The following CTBP2 variants were observed in gnomAD, a reference collection of about 807,000 sequenced individuals.
The protein encoded by CTBP2 is C-terminal-binding protein 2.
CTBP2 carries 30 observed loss-of-function variants against 80.3 expected under a neutral mutation model. The ratio of observed to expected loss-of-function variants is 0.37; its 90% CI spans 0.28 to 0.51. CTBP2 has a LOEUF of 0.51. Ranked by LOEUF, CTBP2 falls within the 20% of genes least tolerant of loss-of-function variation. CTBP2 has a pLI of 0.93. For missense variants in CTBP2, 1,212 were observed against 1,375.3 expected (o/e 0.88, Z 1.88); for synonymous variants, 594 against 587.4 (o/e 1.01, Z -0.16).
At chr10:125,133,151 C>T (rs1856444286) in intron 1 of CTBP2, among the ~76,000 whole-genome samples, 1 of 152,220 alleles carries the variant, frequency 6.6e-6, no homozygotes, top group Non-Finnish European at 1.5e-5. Context: ...CAGGCACATT[C>T]TAAGAGCATG....
At chr10:125,035,520 C>T (rs961749663) in intron 3 of CTBP2, among the ~76,000 whole-genome samples, 8 of 152,148 alleles carry the variant, frequency 5.3e-5, no homozygotes, top group Admixed American at 1.3e-4. Context: ...AAGTTGCAAT[C>T]GCAACAGCCG....
chr10:125,011,339 C>T (rs1013459684), intron 1 of CTBP2, among the ~76,000 whole-genome samples: 8 of 152,224 alleles, frequency 5.3e-5, no homozygotes, highest in African/African-American at 1.9e-4. Flanking sequence ...CGATGTGACA[C>T]ATGAGAGGCT....
At chr10:124,996,190 GC>G (rs11321696) in intron 4 of CTBP2, 127,943 of 149,628 alleles carry the variant, frequency 0.86, 54,863 homozygotes, top group East Asian at 0.95. Context: ...CCGTCACAGC[GC>G]CCCCCCCGGC....
chr10:125,057,426 C>T (rs1315904919), intron 2 of CTBP2, among the ~76,000 whole-genome samples: 1 of 152,200 alleles, frequency 6.6e-6, no homozygotes, highest in African/African-American at 2.4e-5. Flanking sequence ...AAACAACAGG[C>T]CAAACCCCGA....
chr10:125,036,090 T>C (rs1958837573), intron 3 of CTBP2, among the ~76,000 whole-genome samples: 1 of 152,226 alleles, frequency 6.6e-6, no homozygotes, highest in South Asian at 2.1e-4. Context: ...ACTGTCTGTG[T>C]CCTGCTCTCC....
At chr10:125,145,125 A>G (rs1858512192) in intron 1 of CTBP2, among the ~76,000 whole-genome samples, 1 of 152,070 alleles carries the variant, frequency 6.6e-6, no homozygotes. Flanking sequence ...TCTTTCAACC[A>G]TTTTTCATGC....
At chr10:125,018,439 G>A (rs1407602821) in intron 1 of CTBP2, among the ~76,000 whole-genome samples, 9 of 152,154 alleles carry the variant, frequency 5.9e-5, no homozygotes, top group East Asian at 1.9e-4. Context: ...GCAGTGAGCC[G>A]AGATTGTTCC....
chr10:125,060,874 C>T (rs746139698), intron 2 of CTBP2, among the ~76,000 whole-genome samples: 6 of 152,190 alleles, frequency 3.9e-5, no homozygotes, highest in Admixed American at 6.5e-5. Flanking sequence ...TCTTGACCCG[C>T]GGGGGCTGGT....
At chr10:125,111,954 A>G (rs1320881956) in intron 1 of CTBP2, among the ~76,000 whole-genome samples, 1 of 152,060 alleles carries the variant, frequency 6.6e-6, no homozygotes, top group Non-Finnish European at 1.5e-5. Context: ...GTATGAAGGT[A>G]GTCTTGCTCG....
chr10:125,127,099 G>A (rs746564471), intron 1 of CTBP2, among the ~76,000 whole-genome samples: 1 of 152,172 alleles, frequency 6.6e-6, no homozygotes, highest in East Asian at 1.9e-4. Flanking sequence ...AGGCACGGAC[G>A]AAGGAGGGAT....
chr10:125,108,232 T>A (rs1385891782), intron 2 of CTBP2, among the ~76,000 whole-genome samples: 1 of 152,220 alleles, frequency 6.6e-6, no homozygotes, highest in African/African-American at 2.4e-5. Flanking sequence ...GGCTGAAGTG[T>A]TTGACGTCAA....
chr10:125,069,790 T>C (rs753094974), intron 2 of CTBP2, among the ~76,000 whole-genome samples: 1 of 151,818 alleles, frequency 6.6e-6, no homozygotes, highest in Non-Finnish European at 1.5e-5. Flanking sequence ...TCTCACAGAG[T>C]ATTTTGTTGT....
In CTBP2 at chr10:125,004,770, G is replaced by A. The variant is rs537877631; in HGVS notation, c.1679-1278C>T. Among the ~76,000 whole-genome samples, 16 of 152,266 alleles carry A rather than the reference G, an allele frequency of 1.1e-4. No homozygotes were observed. In the South Asian group the frequency reaches 3.1e-3, roughly 30 times the overall value. ...CATTGCTCCAGGCTGAGCCCAGCCTGGTGACCCACCATGGGTAACCCAACC... is the reference window on the plus strand; with the variant it reads ...CATTGCTCCAGGCTGAGCCCAGCCTAGTGACCCACCATGGGTAACCCAACC... On this transcript the variant is annotated intron_variant, in intron 1 of 8. Transcript: ENST00000309035.
chr10:125,062,849 ACT>A (rs1422112012), intron 2 of CTBP2, among the ~76,000 whole-genome samples: 9 of 152,156 alleles, frequency 5.9e-5, no homozygotes, highest in Non-Finnish European at 1.2e-4. Flanking sequence ...ACAAAGCGAG[ACT>A]CTATCTCAAA....
chr10:124,994,015 G>A, intron 5 of CTBP2, 30 bp from the exon 8 acceptor site: 1 of 1,613,016 alleles, frequency 6.2e-7, no homozygotes, highest in Non-Finnish European at 8.5e-7. Context: ...CCGGTTACAG[G>A]CACACTGGCA....
At chr10:125,006,039 G>A in intron 1 of CTBP2, 1 of 1,380,174 alleles carries the variant, frequency 7.2e-7, no homozygotes, top group Non-Finnish European at 9.4e-7. Context: ...AGCATCATCA[G>A]TGCATGGATC....
At chr10:124,989,773 C>T (rs1952339784) in intron 8 of CTBP2, 75 bp from the exon 11 acceptor site, 1 of 1,402,996 alleles carries the variant, frequency 7.1e-7, no homozygotes, top group South Asian at 1.5e-5. Context: ...CTACTTCTGG[C>T]CTTTTCATAA....
chr10:125,084,047 C>G (rs1397052116), intron 2 of CTBP2, among the ~76,000 whole-genome samples: 1 of 152,186 alleles, frequency 6.6e-6, no homozygotes, highest in Non-Finnish European at 1.5e-5. Flanking sequence ...TCCCAAAGTG[C>G]TAGGATTACA....
At chr10:125,156,279 A>G (rs1860898335) in intron 1 of CTBP2, among the ~76,000 whole-genome samples, 1 of 152,218 alleles carries the variant, frequency 6.6e-6, no homozygotes, top group African/African-American at 2.4e-5. Flanking sequence ...TTTCCCTGAT[A>G]GATTAACAGA....
Sources: gnomAD v4.1 joint callset for allele counts (sites outside exome capture counted in the v4.1 genomes callset) on GRCh38, gnomAD v4.1.1 for gene constraint, MANE v1.5 for transcripts, NCBI Gene and HGNC (gene_info 2026-07-23, HGNC 2026-07-21) for gene names.